Variants in WLS observed in about 807,000 individuals in gnomAD.
WLS encodes Wnt ligand secretion mediator, also known as protein wntless homolog.
A neutral mutation model predicts 62.8 loss-of-function variants in WLS; 23 were observed. That is an observed-to-expected ratio of 0.37 (90% CI 0.26 to 0.52). The LOEUF (loss-of-function observed/expected upper bound fraction) is 0.52. Ranked by LOEUF, WLS falls within the 20% of genes least tolerant of loss-of-function variation. The pLI, the probability that WLS is intolerant of heterozygous loss-of-function variation, is 0.92. For missense variants in WLS, 615 were observed against 697.3 expected (o/e 0.88, Z 1.33); for synonymous variants, 246 against 244.1 (o/e 1.01, Z -0.07).
intron 9 of WLS, among the ~76,000 whole-genome samples, chr1:68,145,666 A>C (rs1252190433): frequency 6.6e-6 from 1 of 152,172 alleles, no homozygotes; most frequent in Non-Finnish European, 1.5e-5. Flanking sequence ...CATTTGTACC[A>C]CAGAAAACAC....
At chr1:68,211,144 C>T (rs1250336344) in intron 1 of WLS, among the ~76,000 whole-genome samples, 1 of 151,944 alleles carries the variant, frequency 6.6e-6, no homozygotes, top group African/African-American at 2.4e-5. Flanking sequence ...TGCTGTACAC[C>T]AACAATTCAT....
chr1:68,125,750 A>T lies in WLS; in HGVS notation c.*476T>A, dbSNP rs1646420455. 1.0e-6 allele frequency: 1 copy of T among 985,898 alleles called. No individual in the cohort carries two copies. Among genetic ancestry groups the T allele is most frequent in the Non-Finnish European group, 1.2e-6 (1 of 830,384 alleles). 61.1% of individuals were successfully genotyped at this position (985,898 alleles called of 1,614,324 possible). A position where few individuals can be genotyped will look rare whatever the true frequency, so the allele number is the denominator to read the frequency against. On this transcript the variant is annotated 3_prime_UTR_variant, in exon 12 of 12. Transcript: ENST00000262348. ...CTACCTGGTGATATAAATAGGAAAA[A>T]AACAGTGGTCATGGATTAGGAGTGA...
intron 2 of WLS, among the ~76,000 whole-genome samples, chr1:68,167,617 G>T (rs1647079296): frequency 6.6e-6 from 1 of 152,108 alleles, no homozygotes; most frequent in Admixed American, 6.6e-5. Flanking sequence ...CAGTTTCATG[G>T]GGGTACAGTT....
At chr1:68,185,267 A>C (rs1004696752) in intron 2 of WLS, among the ~76,000 whole-genome samples, 5 of 152,190 alleles carry the variant, frequency 3.3e-5, no homozygotes, top group African/African-American at 1.2e-4. Flanking sequence ...CCTCCTCCTT[A>C]GGATTGATTG....
intron 1 of WLS, among the ~76,000 whole-genome samples, chr1:68,207,553 A>C (rs1483690891): frequency 6.6e-6 from 1 of 152,248 alleles, no homozygotes; most frequent in East Asian, 1.9e-4. Context: ...GTCATAAGAG[A>C]AAACAATGAT....
chr1:68,179,581 A>T (rs1389502527), intron 2 of WLS, among the ~76,000 whole-genome samples: 1 of 152,020 alleles, frequency 6.6e-6, no homozygotes, highest in African/African-American at 2.4e-5. Flanking sequence ...CTTCACCCCC[A>T]CTAACTTAAC....
intron 6 of WLS, 124 bp from the exon 7 acceptor site, chr1:68,148,784 T>A (rs548573761): frequency 1.8e-5 from 14 of 798,390 alleles, no homozygotes; most frequent in South Asian, 1.6e-4. Flanking sequence ...TATGCTAGAT[T>A]CTAGGTATGA....
chr1:68,227,971 A>G (rs984850306), intron 1 of WLS, among the ~76,000 whole-genome samples: 8 of 152,248 alleles, frequency 5.3e-5, no homozygotes, highest in African/African-American at 1.9e-4. Flanking sequence ...TAAATGGGTC[A>G]CAGTAAAGAC....
intron 1 of WLS, among the ~76,000 whole-genome samples, chr1:68,195,787 A>C (rs1648627332): frequency 1.3e-5 from 2 of 151,928 alleles, no homozygotes; most frequent in Non-Finnish European, 2.9e-5. Flanking sequence ...ATCTATATTG[A>C]CTTCTATTTA....
chr1:68,189,599 G>A (rs543213167), intron 2 of WLS, among the ~76,000 whole-genome samples: 122 of 152,284 alleles, frequency 8.0e-4, no homozygotes, highest in Non-Finnish European at 1.5e-3. Flanking sequence ...CCTCTACCAC[G>A]TGCTTCTTTT....
rs1189406770 is a variant in WLS, at chr1:68,155,132, C to T, written c.633G>A (p.Val211=). 1 of 1,613,830 alleles carries T rather than the reference C, an allele frequency of 6.2e-7. No homozygotes were observed. Among genetic ancestry groups the T allele is most frequent in the African/African-American group, 1.3e-5 (1 of 74,914 alleles). ...GGATATCCTTTATCTCCCCAATTCC[C>T]ACATTGATTTTCTTCTTCTCATTCA... The part of the protein sequence containing the change: ...LPVNEKKKIN[V]GIGEIKDIRL... The change falls in exon 4 of 12, where the codon GTG becomes GTA. Residue 211 remains valine (V), a synonymous_variant. Coordinates refer to ENST00000262348, the MANE Select transcript of WLS (RefSeq NM_024911.7).
At position 68,155,108 on chromosome 1, in the gene WLS, G is replaced by A; in HGVS notation, c.657C>T (p.Ile219=). The A allele has an allele frequency of 6.2e-7, 1 of 1,613,404 alleles. No homozygotes were observed. Among genetic ancestry groups the A allele is most frequent in the South Asian group, 1.1e-5 (1 of 90,962 alleles). Residue 219 remains isoleucine, a synonymous_variant, in exon 4 of 12, where the codon ATC becomes ATT. Coordinates refer to ENST00000262348, the MANE Select transcript of WLS (RefSeq NM_024911.7). ...AATTACATTCACTTACCACCAACCGGATATCCTTTATCTCCCCAATTCCCA... is the reference window on the plus strand; with the variant it reads ...AATTACATTCACTTACCACCAACCGAATATCCTTTATCTCCCCAATTCCCA... ...INVGIGEIKD[I]RLVGIHQNGG... is the part of the protein sequence containing the mutation.
At position 68,232,405 on chromosome 1, in the gene WLS, G is replaced by T. The variant is rs1213993744; in HGVS notation, c.-106C>A. On this transcript the variant is annotated 5_prime_UTR_variant, in exon 1 of 12. Transcript: ENST00000262348. ...CTCCTTCCTCGCCTCCTTTCTGGGC[G>T]CTGCAAAACTTCAGAGGTGCTGGAG... 1.6e-5 allele frequency: 24 copies of T among 1,470,022 alleles called. No homozygotes were observed. The highest frequency in any genetic ancestry group is 2.1e-5 in the Non-Finnish European group (23 of 1,107,968). The allele number at this position is 1,470,022 out of a possible 1,614,324, so 91.1% of individuals were successfully genotyped here. A position where few individuals can be genotyped will look rare whatever the true frequency, so the allele number is the denominator to read the frequency against.
chr1:68,193,453 A>T (rs932603889), intron 2 of WLS, among the ~76,000 whole-genome samples: 2 of 133,260 alleles, frequency 1.5e-5, no homozygotes, highest in East Asian at 4.7e-4. Flanking sequence ...CGAAAAAAAA[A>T]CCTGGTTTGG....
At chr1:68,204,709 G>T (rs1649205170) in intron 1 of WLS, among the ~76,000 whole-genome samples, 1 of 152,142 alleles carries the variant, frequency 6.6e-6, no homozygotes, top group Non-Finnish European at 1.5e-5. Flanking sequence ...CTCAAGGGCC[G>T]TCTCTCCTTC....
At chr1:68,106,418 G>A (rs1364198614) in intron 11 of WLS, among the ~76,000 whole-genome samples, 1 of 152,138 alleles carries the variant, frequency 6.6e-6, no homozygotes, top group Non-Finnish European at 1.5e-5. Context: ...TGCAGCTTGA[G>A]TGTTCCTAAG....
rs1424057216 is a variant in WLS at position 68,125,367 on chromosome 1, TAGC to T, written c.*856_*858del. ...AATCTGCACGCATGTGTATGAGTTT[TAGC>T]AGGAGGGGATATGCATGTACACATA... On this transcript the variant is annotated 3_prime_UTR_variant, in exon 12 of 12. Transcript: ENST00000262348. 1 of 985,466 alleles carries T rather than the reference TAGC, an allele frequency of 1.0e-6. No individual in the cohort carries two copies. The allele number at this position is 985,466 out of a possible 1,614,324, so 61.0% of individuals were successfully genotyped here.
chr1:68,133,234 T>C (rs1646557023), intron 11 of WLS, among the ~76,000 whole-genome samples: 1 of 152,114 alleles, frequency 6.6e-6, no homozygotes, highest in Non-Finnish European at 1.5e-5. Flanking sequence ...AAAAATAAAA[T>C]GATTAATGTG....
At chr1:68,137,635 G>A in intron 11 of WLS, 145 bp downstream of exon 11, 1 of 842,620 alleles carries the variant, frequency 1.2e-6, no homozygotes. Context: ...AGTCCCCTGG[G>A]TGCTCATTCA....
Sources: allele counts gnomAD v4.1 joint callset (sites outside exome capture counted in the v4.1 genomes callset), GRCh38; gene constraint gnomAD v4.1.1; transcripts MANE v1.5; gene names NCBI Gene and HGNC (gene_info 2026-07-23, HGNC 2026-07-21).